AGBL1: variants seen among roughly 807,000 people sequenced by gnomAD.
AGBL1 encodes cytosolic carboxypeptidase 4.
AGBL1 carries 130 observed loss-of-function variants against 118.9 expected under a neutral mutation model. That is an observed-to-expected ratio of 1.09 (90% CI 0.95 to 1.26). AGBL1 has a LOEUF of 1.26. Ranked by LOEUF, AGBL1 falls within the 50% of genes most tolerant of loss-of-function variation. The pLI, the probability that AGBL1 is intolerant of heterozygous loss-of-function variation, is 0.00. For missense variants in AGBL1, 1,584 were observed against 1,298.1 expected, an observed-to-expected ratio of 1.22 and a Z score of -3.38; for synonymous variants, 555 against 478.9, an observed-to-expected ratio of 1.16 and a Z score of -2.08.
At chr15:86,763,270 A>G (rs953528661) in intron 22 of AGBL1, among the ~76,000 whole-genome samples, 1 of 152,024 alleles carries the variant, frequency 6.6e-6, no homozygotes, top group Non-Finnish European at 1.5e-5. Context: ...CAATCTCTCA[A>G]ATATTTTCCA....
chr15:86,270,185 T>C (rs778822627), intron 14 of AGBL1, 118 bp downstream of exon 14: 16 of 1,381,418 alleles, frequency 1.2e-5, no homozygotes, highest in Non-Finnish European at 1.5e-5. Context: ...GGCAGAGTTT[T>C]GGGTTGCCAG....
chr15:86,265,649 C>G (rs1040227506), intron 11 of AGBL1, among the ~76,000 whole-genome samples: 4 of 152,162 alleles, frequency 2.6e-5, no homozygotes, highest in African/African-American at 9.7e-5. Context: ...CCAACCCTAC[C>G]CCCTGCACTT....
downstream of AGBL1, among the ~76,000 whole-genome samples, chr15:86,919,406 T>C (rs1480698994): frequency 6.6e-6 from 1 of 152,220 alleles, no homozygotes; most frequent in Non-Finnish European, 1.5e-5. Flanking sequence ...TTGTTGTTTT[T>C]TGTTTTGCTT....
chr15:86,943,916 C>A (rs1467074705), intron 23 of AGBL1, among the ~76,000 whole-genome samples: 3 of 152,104 alleles, frequency 2.0e-5, no homozygotes, highest in Non-Finnish European at 4.4e-5. Flanking sequence ...GCCAAATGGC[C>A]CAAACCTAAC....
chr15:86,906,814 T>TCC (rs142328418), intron 22 of AGBL1, among the ~76,000 whole-genome samples: 84 of 152,012 alleles, frequency 5.5e-4, no homozygotes, highest in African/African-American at 1.9e-3. Context: ...GTTACAACTT[T>TCC]CCCCCCCAAG....
chr15:86,960,619 A>G (rs773931175), intron 23 of AGBL1, among the ~76,000 whole-genome samples: 4 of 152,000 alleles, frequency 2.6e-5, no homozygotes, highest in Non-Finnish European at 5.9e-5. Flanking sequence ...TACTGGCTAT[A>G]TATCCCCCCC....
At chr15:86,124,998 T>G (rs188815519) in intron 1 of AGBL1, among the ~76,000 whole-genome samples, 18 of 152,292 alleles carry the variant, frequency 1.2e-4, no homozygotes, top group Admixed American at 1.3e-4. Context: ...TCTCTCCAAG[T>G]GCAATAATGG....
At chr15:86,747,180 C>T (rs561450167) in intron 22 of AGBL1, among the ~76,000 whole-genome samples, 1 of 152,130 alleles carries the variant, frequency 6.6e-6, no homozygotes, top group East Asian at 1.9e-4. Context: ...TGCTGCTTTT[C>T]CTTAGAAATC....
At chr15:86,540,231 T>C (rs1200091263) in intron 19 of AGBL1, among the ~76,000 whole-genome samples, 1 of 152,194 alleles carries the variant, frequency 6.6e-6, no homozygotes, top group African/African-American at 2.4e-5. Context: ...TATATTAAAA[T>C]TTTAACTTCT....
intron 21 of AGBL1, among the ~76,000 whole-genome samples, chr15:86,583,915 T>A (rs1162437473): frequency 6.6e-6 from 1 of 152,200 alleles, no homozygotes; most frequent in Non-Finnish European, 1.5e-5. Flanking sequence ...TCATTATGGT[T>A]TTGATTTGCA....
chr15:86,827,040 T>C (rs1377910912), intron 22 of AGBL1, among the ~76,000 whole-genome samples: 1 of 151,406 alleles, frequency 6.6e-6, no homozygotes, highest in Non-Finnish European at 1.5e-5. Flanking sequence ...AGCCCTACAA[T>C]GTCATTGCAA....
chr15:86,247,999 C>A, intron 7 of AGBL1, 120 bp downstream of exon 7: 1 of 1,287,308 alleles, frequency 7.8e-7, no homozygotes, highest in Non-Finnish European at 1.1e-6. Flanking sequence ...TTGTTGCCTG[C>A]TAAGGGCGGA....
chr15:86,423,239 C>T (rs1285365527), intron 18 of AGBL1, among the ~76,000 whole-genome samples: 8 of 152,268 alleles, frequency 5.3e-5, no homozygotes, highest in African/African-American at 9.6e-5. Context: ...TTATCCACCA[C>T]GATAAAGTCA....
chr15:86,670,583 G>A (rs2085724696), intron 21 of AGBL1, among the ~76,000 whole-genome samples: 1 of 133,696 alleles, frequency 7.5e-6, no homozygotes, highest in African/African-American at 3.1e-5. Flanking sequence ...CAGCCTGGGT[G>A]ACAAGAGTGA....
chr15:86,917,899 T>C (rs113503024), downstream of AGBL1, among the ~76,000 whole-genome samples: 11,878 of 152,120 alleles, frequency 0.078, 724 homozygotes, highest in South Asian at 0.28. This position sits in a 1 kb window ranked among gnomAD's most constrained non-coding sequence, Gnocchi z 4.8. Context: ...AATTTTAAGT[T>C]GTTCTCTGTT....
At chr15:86,526,665 C>A (rs561657865) in intron 19 of AGBL1, among the ~76,000 whole-genome samples, 64 of 147,978 alleles carry the variant, frequency 4.3e-4, no homozygotes, top group African/African-American at 1.5e-3. Flanking sequence ...ATACATATAC[C>A]ATGGAATACT....
intron 18 of AGBL1, among the ~76,000 whole-genome samples, chr15:86,461,913 G>A (rs1007725001): frequency 6.6e-6 from 1 of 152,142 alleles, no homozygotes; most frequent in Non-Finnish European, 1.5e-5. Flanking sequence ...TCGCATCAAG[G>A]TGAGCAAACG....
chr15:86,650,320 T>A (rs1430253332), intron 21 of AGBL1, among the ~76,000 whole-genome samples: 2 of 152,180 alleles, frequency 1.3e-5, no homozygotes, highest in African/African-American at 4.8e-5. Context: ...AAAGTGGTGT[T>A]TCAGCCATCA....
intron 7 of AGBL1, among the ~76,000 whole-genome samples, chr15:86,254,391 T>C (rs2142007739): frequency 6.6e-6 from 1 of 152,346 alleles, no homozygotes; most frequent in African/African-American, 2.4e-5. Flanking sequence ...AAGTTAGTAA[T>C]CTTTAGTCCA....
Sources: allele counts gnomAD v4.1 joint callset (sites outside exome capture counted in the v4.1 genomes callset), GRCh38; gene constraint gnomAD v4.1.1; non-coding constraint Gnocchi (gnomAD v3.1); transcripts MANE v1.5; gene names NCBI Gene and HGNC (gene_info 2026-07-23, HGNC 2026-07-21).